The following GNPTAB variants were observed in gnomAD, a reference collection of about 807,000 sequenced individuals.
GNPTAB encodes the protein N-acetylglucosamine-1-phosphate transferase subunits alpha and beta, also known as N-acetylglucosamine-1-phosphotransferase subunits alpha/beta.
In GNPTAB, 92 loss-of-function variants were observed where a neutral mutation model predicts 136.6. That is an observed-to-expected ratio of 0.67 (90% CI 0.57 to 0.80). GNPTAB has a LOEUF of 0.80. Among genes scored for constraint, GNPTAB ranks in the 30% least tolerant of loss-of-function variants. The pLI, the probability that GNPTAB is intolerant of heterozygous loss-of-function variation, is 0.00. For missense variants in GNPTAB, 1,343 were observed against 1,501.8 expected (o/e 0.89, Z 1.75); for synonymous variants, 512 against 535.1 (o/e 0.96, Z 0.60).
chr12:101,830,180 C>G (rs1871294831), intron 1 of GNPTAB, among the ~76,000 whole-genome samples: 1 of 152,180 alleles, frequency 6.6e-6, no homozygotes, highest in African/African-American at 2.4e-5. Flanking sequence ...ATCACTTGAG[C>G]CCAGGACTTC....
intron 16 of GNPTAB, 59 bp downstream of exon 16, chr12:101,759,967 TGTAA>T (rs1952966704): frequency 1.0e-5 from 10 of 964,590 alleles, no homozygotes; most frequent in Non-Finnish European, 1.5e-5. Context: ...ACAGAAATGC[TGTAA>T]GTAACACTTG....
chr12:101,756,507 G>A (rs1232725611), intron 18 of GNPTAB: 2 of 388,248 alleles, frequency 5.2e-6, no homozygotes, highest in South Asian at 3.7e-5. Flanking sequence ...CCACGAGGTC[G>A]AGGCTACAGT....
chr12:101,764,376 T>C lies in GNPTAB; in HGVS notation c.2541A>G (p.Thr847=). Residue 847 remains threonine (T), a synonymous_variant, in exon 13 of 21, where the codon ACA becomes ACG. Coordinates refer to ENST00000299314, the MANE Select transcript of GNPTAB (RefSeq NM_024312.5). ...CTTTCCCTGTGATTTTCTTTTCTTT[T>C]GTCATCTGGCTTTCCAGTGGAACAA... is the stretch of plus-strand genomic sequence containing the variant. ...SLIVPLESQM[T]KEKKITGKEK... is the part of the protein sequence containing the mutation. 1.2e-6 allele frequency: 2 copies of C among 1,614,034 alleles called. No homozygotes were observed. The highest frequency in any genetic ancestry group is 2.2e-5 in the East Asian group (1 of 44,884).
intron 3 of GNPTAB, 44 bp from the exon 4 acceptor site, chr12:101,788,633 T>C: frequency 4.1e-6 from 4 of 970,036 alleles, no homozygotes; most frequent in Non-Finnish European, 6.8e-6. Flanking sequence ...TATGGGCTAC[T>C]ATACCTCCCA....
At chr12:101,753,981 T>C (rs1952861420) in intron 18 of GNPTAB, among the ~76,000 whole-genome samples, 1 of 151,670 alleles carries the variant, frequency 6.6e-6, no homozygotes, top group South Asian at 2.1e-4. Flanking sequence ...GAAACCTATC[T>C]CTACTACAAA....
Position 101,761,129 on chromosome 12 carries a change from G to A in GNPTAB, c.3133C>T (p.Gln1045Ter), listed in dbSNP as rs1325046302. 1 of 1,608,400 alleles carries A rather than the reference G, an allele frequency of 6.2e-7. No homozygotes were observed. Among genetic ancestry groups the A allele is most frequent in the East Asian group, 2.2e-5 (1 of 44,858 alleles). Residue 1045 changes from glutamine (Q) to a stop codon, truncating the protein, a stop_gained and splice_region_variant, in exon 15 of 21, where the codon CAG becomes TAG. Transcript: ENST00000299314. LOFTEE classifies it high-confidence loss of function. ...TTTAGAATAAGACAATACAACACCTGCAAACTTAACGGCAGTTCGTGAATT... is the reference window on the plus strand; with the variant it reads ...TTTAGAATAAGACAATACAACACCTACAAACTTAACGGCAGTTCGTGAATT... ...TRIHELPLSLQDLTGLEHMLI... is the reference protein window; with the variant it reads ...TRIHELPLSL
intron 19 of GNPTAB, among the ~76,000 whole-genome samples, chr12:101,751,879 T>G (rs759916591): frequency 6.6e-6 from 1 of 152,204 alleles, no homozygotes; most frequent in Non-Finnish European, 1.5e-5. Flanking sequence ...GGCTCCCCCA[T>G]TCAGGAGCTG....
intron 1 of GNPTAB, 65 bp downstream of exon 1, chr12:101,830,494 G>T: frequency 3.5e-6 from 3 of 862,914 alleles, no homozygotes; most frequent in Non-Finnish European, 5.9e-6. Flanking sequence ...TCGGGGCATC[G>T]CGGGGCACGG....
At chr12:101,803,255 C>T (rs1869745797) in intron 1 of GNPTAB, among the ~76,000 whole-genome samples, 1 of 152,124 alleles carries the variant, frequency 6.6e-6, no homozygotes. Context: ...TTTCTGAAAA[C>T]AAAATTTGTT....
At chr12:101,801,559 A>T (rs1378893916) in intron 1 of GNPTAB, among the ~76,000 whole-genome samples, 1 of 145,802 alleles carries the variant, frequency 6.9e-6, no homozygotes, top group Non-Finnish European at 1.5e-5. Context: ...AAAAAAAAAA[A>T]AAAAAAAACT....
At chr12:101,798,211 T>C (rs1869410234) in intron 1 of GNPTAB, among the ~76,000 whole-genome samples, 1 of 152,214 alleles carries the variant, frequency 6.6e-6, no homozygotes, top group African/African-American at 2.4e-5. Context: ...TTTGTGGAAA[T>C]GTTTTCTTGG....
rs1344922804 is a variant in GNPTAB, at chr12:101,761,351, C to A, written c.2916-5G>T. On this transcript the variant is annotated splice_polypyrimidine_tract_variant and splice_region_variant and intron_variant, in intron 14 of 20. Transcript: ENST00000299314. ...TTGTCAAATTCTTCAGGGAACCTGT[C>A]CAAATATAACATATTACAAACTCTG... 1 of 1,611,268 alleles carries A rather than the reference C, an allele frequency of 6.2e-7. No homozygotes were observed. Among genetic ancestry groups the A allele is most frequent in the African/African-American group, 1.3e-5 (1 of 74,838 alleles).
At chr12:101,769,593 T>C (rs1239558637) in intron 10 of GNPTAB, among the ~76,000 whole-genome samples, 2 of 152,112 alleles carry the variant, frequency 1.3e-5, no homozygotes, top group African/African-American at 2.4e-5. Context: ...CATATATCTA[T>C]ATATATTTTT....
At position 101,766,104 on chromosome 12, in the gene GNPTAB, G is replaced by A. The variant is rs758268022; in HGVS notation, c.1599C>T (p.Gly533=). 2.9e-5 allele frequency: 47 copies of A among 1,613,704 alleles called. No individual in the cohort carries two copies. The highest frequency in any genetic ancestry group is 3.6e-5 in the Non-Finnish European group (42 of 1,179,880). Residue 533 remains glycine, a synonymous_variant, in exon 12 of 21, where the codon GGC becomes GGT. Coordinates refer to ENST00000299314, the MANE Select transcript of GNPTAB (RefSeq NM_024312.5). ...CAGTAAACATACCTTGCCCACAGTCGCCAGCATCAAACCCACAGGACAAGA... is the reference window on the plus strand; with the variant it reads ...CAGTAAACATACCTTGCCCACAGTCACCAGCATCAAACCCACAGGACAAGA... ...CNVLSCGFDA[G]DCGQDHFHEL... is the part of the protein sequence containing the mutation.
intron 1 of GNPTAB, among the ~76,000 whole-genome samples, chr12:101,805,566 T>C (rs1460733935): frequency 1.3e-5 from 2 of 152,170 alleles, no homozygotes; most frequent in African/African-American, 4.8e-5. Flanking sequence ...GGCTAATTTT[T>C]GGATTTTTTT....
intron 1 of GNPTAB, among the ~76,000 whole-genome samples, chr12:101,824,003 T>A (rs1278935181): frequency 6.6e-6 from 1 of 152,178 alleles, no homozygotes; most frequent in African/African-American, 2.4e-5. Flanking sequence ...AGACATCTGT[T>A]GTTCCGGCCC....
At chr12:101,783,977 C>G (rs1018716017) in intron 5 of GNPTAB, among the ~76,000 whole-genome samples, 2 of 152,062 alleles carry the variant, frequency 1.3e-5, no homozygotes, top group Non-Finnish European at 2.9e-5. Context: ...CTTGGCCTCC[C>G]AAAGTGCTGG....
chr12:101,761,070 C>A, intron 15 of GNPTAB, 57 bp downstream of exon 15: 1 of 1,335,122 alleles, frequency 7.5e-7, no homozygotes, highest in South Asian at 1.2e-5. Context: ...CTGCGCCTGA[C>A]CAGAATTAAA....
rs1372832408 is a variant in GNPTAB at position 101,780,323 on chromosome 12, T to C, written c.637-37A>G. 1.9e-6 allele frequency: 3 copies of C among 1,610,710 alleles called. No individual in the cohort carries two copies. The African/African-American group carries it at 4.0e-5, about 22-fold the overall frequency. The stretch of plus-strand genomic sequence containing the variant: ...GGAAAAACATAACTCATTTTCCACA[T>C]CATGAGGCTGGTGAAAACCTACAGC... On this transcript the variant is annotated intron_variant, in intron 6 of 20. Transcript: ENST00000299314.
Sources: allele counts gnomAD v4.1 joint callset (sites outside exome capture counted in the v4.1 genomes callset), GRCh38; gene constraint gnomAD v4.1.1; transcripts MANE v1.5; gene names NCBI Gene and HGNC (gene_info 2026-07-23, HGNC 2026-07-21).